The following C2orf80 variants were observed in gnomAD, a reference collection of about 807,000 sequenced individuals.
C2orf80 encodes chromosome 2 open reading frame 80, also known as uncharacterized protein C2orf80.
A neutral mutation model predicts 30.2 loss-of-function variants in C2orf80; 28 were observed. The ratio of observed to expected loss-of-function variants is 0.93; its 90% confidence interval spans 0.69 to 1.27. The LOEUF (loss-of-function observed/expected upper bound fraction) is 1.27, where lower values mean the gene tolerates loss of function less well. Ranked by LOEUF, C2orf80 falls within the 50% of genes most tolerant of loss-of-function variation. The pLI, the probability that C2orf80 is intolerant of heterozygous loss-of-function variation, is 0.00. For synonymous variants in C2orf80, 80 were observed against 76.4 expected, an observed-to-expected ratio of 1.05 and a Z score of -0.24; for missense variants, 220 against 231.0, an observed-to-expected ratio of 0.95 and a Z score of 0.31.
chr2:208,176,950 T>TACAG (rs1696347220), intron 6 of C2orf80, among the ~76,000 whole-genome samples: 1 of 32,860 alleles, frequency 3.0e-5, no homozygotes, highest in Admixed American at 4.7e-4. Context: ...TCTGTATACA[T>TACAG]ATCTGTATAC....
Position 208,188,160 on chromosome 2 carries a change from G to T in C2orf80, c.-75-1099C>A, listed in dbSNP as rs556393730. Among the ~76,000 whole-genome samples the T allele has an allele frequency of 5.9e-5, 9 of 151,364 alleles. No individual in the cohort carries two copies. In the East Asian group the frequency reaches 1.6e-3, roughly 26 times the overall value. Reference sequence around the variant, plus strand: ...CACATCCTGTCAGTTCAATTTCTCTGAGGAACCCTAATACTCAAATATAAC... The same window carrying T: ...CACATCCTGTCAGTTCAATTTCTCTTAGGAACCCTAATACTCAAATATAAC... On this transcript the variant is annotated intron_variant, in intron 1 of 8. Transcript: ENST00000341287.
chr2:208,175,936 T>C (rs1696277815), intron 6 of C2orf80, among the ~76,000 whole-genome samples: 1 of 152,150 alleles, frequency 6.6e-6, no homozygotes, highest in Non-Finnish European at 1.5e-5. Flanking sequence ...AGGCCTGAAC[T>C]GGCGTTCTGG....
chr2:208,182,283 T>C (rs944425024), intron 4 of C2orf80, among the ~76,000 whole-genome samples: 1 of 152,210 alleles, frequency 6.6e-6, no homozygotes, highest in Non-Finnish European at 1.5e-5. Flanking sequence ...CTCAGATACA[T>C]GTCTGCCTAA....
rs1696124012 is a variant in C2orf80, at chr2:208,172,194, A to G, written c.367-119T>C. ...GAATCCTTGAGTCCAATTGTTGAGT[A>G]CTGTCCAACGGACACACTGTCCACA... On this transcript the variant is annotated intron_variant, in intron 6 of 8. Coordinates refer to ENST00000341287, the MANE Select transcript of C2orf80 (RefSeq NM_001099334.3). 3 of 813,850 alleles carry G rather than the reference A, an allele frequency of 3.7e-6. No homozygotes were observed. In the East Asian group the frequency reaches 7.3e-5, roughly 20 times the overall value. The allele number at this position is 813,850 out of a possible 1,614,324, so 50.4% of individuals were successfully genotyped here.
At chr2:208,170,665 T>G (rs1051916880) in intron 8 of C2orf80, among the ~76,000 whole-genome samples, 5 of 152,206 alleles carry the variant, frequency 3.3e-5, no homozygotes, top group Admixed American at 2.0e-4. Flanking sequence ...GTTTACTCCA[T>G]GCTAAGCACT....
At chr2:208,169,697 A>T (rs1696031695) in intron 8 of C2orf80, among the ~76,000 whole-genome samples, 1 of 132,128 alleles carries the variant, frequency 7.6e-6, no homozygotes. Flanking sequence ...TGGGTGACAG[A>T]GTGAGACTCT....
chr2:208,167,478 C>T (rs1458626848), intron 8 of C2orf80, among the ~76,000 whole-genome samples: 1 of 151,906 alleles, frequency 6.6e-6, no homozygotes, highest in African/African-American at 2.4e-5. Context: ...GCCGAGATAA[C>T]ACCACTGCAC....
chr2:208,186,783 C>T (rs1696730904), intron 2 of C2orf80, among the ~76,000 whole-genome samples, 163 bp downstream of exon 2: 1 of 152,214 alleles, frequency 6.6e-6, no homozygotes, highest in Non-Finnish European at 1.5e-5. Context: ...TGAGGCCTCC[C>T]TGGCAGGAAA....
intron 1 of C2orf80, among the ~76,000 whole-genome samples, chr2:208,188,690 C>A (rs749673509): frequency 6.6e-6 from 1 of 152,082 alleles, no homozygotes; most frequent in Non-Finnish European, 1.5e-5. Flanking sequence ...ACCTTGTAAT[C>A]CACCTGCCTC....
At chr2:208,177,052 TAC>T in intron 6 of C2orf80, among the ~76,000 whole-genome samples, 264 of 127,932 alleles carry the variant, frequency 2.1e-3, no homozygotes, top group African/African-American at 6.8e-3. Context: ...ATATACTATA[TAC>T]ATATGTATAC....
chr2:208,189,072 C>G (rs1696802714), intron 1 of C2orf80, among the ~76,000 whole-genome samples: 1 of 152,182 alleles, frequency 6.6e-6, no homozygotes. Context: ...ACTTCTTACC[C>G]TAACATTCTG....
intron 8 of C2orf80, among the ~76,000 whole-genome samples, chr2:208,168,754 G>C (rs1695991692): frequency 1.2e-5 from 1 of 84,548 alleles, no homozygotes; most frequent in Non-Finnish European, 2.1e-5. Flanking sequence ...TCTGTCGCTT[G>C]ATTATTAAGA....
chr2:208,183,220 T>C (rs889261881), intron 3 of C2orf80, among the ~76,000 whole-genome samples, 173 bp from the exon 4 acceptor site: 4 of 150,774 alleles, frequency 2.7e-5, no homozygotes, highest in African/African-American at 9.8e-5. Context: ...TTTTTTTTTC[T>C]GAGACCTCGC....
chr2:208,182,837 G>A (rs974499497), intron 4 of C2orf80, 128 bp downstream of exon 4: 7 of 775,590 alleles, frequency 9.0e-6, no homozygotes, highest in African/African-American at 1.7e-5. Flanking sequence ...CGTTGAAGAG[G>A]GATATTCACC....
At chr2:208,168,564 G>A (rs1255283969) in intron 8 of C2orf80, 14 of 157,474 alleles carry the variant, frequency 8.9e-5, no homozygotes, top group Admixed American at 6.5e-4. Flanking sequence ...GGGAGGCTGA[G>A]GCAGGAGAAT....
intron 3 of C2orf80, among the ~76,000 whole-genome samples, chr2:208,184,544 C>T (rs1371269110): frequency 2.6e-5 from 4 of 152,096 alleles, no homozygotes; most frequent in Admixed American, 6.6e-5. Flanking sequence ...GTCTGGGCTT[C>T]GAAATAAATA....
rs1373136633 is a variant in C2orf80, at chr2:208,187,000, C to A, written c.-14G>T. The A allele has an allele frequency of 6.2e-7, 1 of 1,613,920 alleles. No homozygotes were observed. The highest frequency in any genetic ancestry group is 1.1e-5 in the South Asian group (1 of 91,080). On this transcript the variant is annotated 5_prime_UTR_variant, in exon 2 of 9. Coordinates refer to ENST00000341287, the MANE Select transcript of C2orf80 (RefSeq NM_001099334.3). The stretch of plus-strand genomic sequence containing the variant: ...CCTTCTTTCCATGTTAAAGGCTTAG[C>A]CAGCTGAGCAGGTATCTGCAGCTAA...
At chr2:208,182,558 G>A (rs905113937) in intron 4 of C2orf80, among the ~76,000 whole-genome samples, 10 of 152,088 alleles carry the variant, frequency 6.6e-5, no homozygotes, top group African/African-American at 2.4e-4. Flanking sequence ...GCGCCACCAC[G>A]CTAGGCGAAT....
At chr2:208,170,384 A>G (rs1696057385) in intron 8 of C2orf80, among the ~76,000 whole-genome samples, 1 of 152,034 alleles carries the variant, frequency 6.6e-6, no homozygotes, top group Non-Finnish European at 1.5e-5. Context: ...TTTCTTTCCA[A>G]CCCTGTCCAT....
Sources: allele counts gnomAD v4.1 joint callset (sites outside exome capture counted in the v4.1 genomes callset), GRCh38; gene constraint gnomAD v4.1.1; transcripts MANE v1.5; gene names NCBI Gene and HGNC (gene_info 2026-07-23, HGNC 2026-07-21).